The following CYP11A1 variants were observed in gnomAD, a reference collection of about 807,000 sequenced individuals.
The protein encoded by CYP11A1 is cytochrome P450 family 11 subfamily A member 1.
Under a neutral mutation model 51.9 loss-of-function variants are expected in CYP11A1, and 25 were observed. The observed-to-expected ratio is 0.48, with a 90% CI of 0.35 to 0.67. The LOEUF is 0.67. Ranked by LOEUF, CYP11A1 falls within the 30% of genes least tolerant of loss-of-function variation. CYP11A1 has a pLI of 0.00. For synonymous variants in CYP11A1, 245 were observed against 262.1 expected, an observed-to-expected ratio of 0.93 and a Z score of 0.63; for missense variants, 578 against 680.9, an observed-to-expected ratio of 0.85 and a Z score of 1.68.
intron 5 of CYP11A1, among the ~76,000 whole-genome samples, chr15:74,339,959 G>A (rs2060599055): frequency 1.3e-5 from 2 of 152,232 alleles, no homozygotes; most frequent in African/African-American, 4.8e-5. Flanking sequence ...TTGCCGGCCA[G>A]GCAGGAACAT....
At chr15:74,338,808 C>A in intron 7 of CYP11A1, 40 bp from the exon 8 acceptor site, 1 of 1,583,790 alleles carries the variant, frequency 6.3e-7, no homozygotes, top group Non-Finnish European at 8.7e-7. Flanking sequence ...AGCCCCACTT[C>A]CCCACAGCCC....
intron 8 of CYP11A1, 89 bp from the exon 9 acceptor site, chr15:74,338,192 G>A: frequency 1.3e-6 from 2 of 1,528,310 alleles, no homozygotes; most frequent in Non-Finnish European, 1.8e-6. Context: ...AGTGCCTGTG[G>A]AGTGTGATTT....
chr15:74,367,193 A>T, intron 1 of CYP11A1, 124 bp downstream of exon 1: 2 of 1,015,212 alleles, frequency 2.0e-6, no homozygotes, highest in Non-Finnish European at 2.9e-6. Flanking sequence ...AAAAAAAAAA[A>T]AAAGAAGTTA....
At chr15:74,350,756 G>A (rs977598154) in intron 1 of CYP11A1, 11 of 151,994 alleles carry the variant, frequency 7.2e-5, no homozygotes, top group Non-Finnish European at 1.5e-4. Flanking sequence ...CTGTTAACGG[G>A]GCCCCTGAGC....
At chr15:74,346,556 C>A (rs1412448702) in intron 2 of CYP11A1, among the ~76,000 whole-genome samples, 1 of 151,976 alleles carries the variant, frequency 6.6e-6, no homozygotes, top group Non-Finnish European at 1.5e-5. Context: ...TTTTTAATAT[C>A]ATGAACGGTA....
intron 1 of CYP11A1, among the ~76,000 whole-genome samples, chr15:74,361,033 T>C (rs60904560): frequency 0.062 from 9,492 of 152,310 alleles, 411 homozygotes; most frequent in East Asian, 0.18. Flanking sequence ...AAAAGGTTTT[T>C]GCTTCTTTAA....
chr15:74,360,962 T>C (rs1047287348), intron 1 of CYP11A1, among the ~76,000 whole-genome samples: 1 of 152,208 alleles, frequency 6.6e-6, no homozygotes, highest in Admixed American at 6.5e-5. Flanking sequence ...CAGTTTTACA[T>C]GCAAGGTGTA....
In CYP11A1 at chr15:74,341,067, T is replaced by C. The variant is rs529747541; in HGVS notation, c.991-1314A>G. Among the ~76,000 whole-genome samples the C allele has an allele frequency of 2.6e-5, 4 of 152,344 alleles. No homozygotes were observed. The East Asian group carries it at 7.7e-4, about 29-fold the overall frequency. On this transcript the variant is annotated intron_variant, in intron 5 of 8. Transcript: ENST00000268053. ...TGTACTTGGGATTTAATAAGGTGGT[T>C]AACTATGTTACTAGCTGTGTGACCT... is the stretch of plus-strand genomic sequence containing the variant.
chr15:74,352,938 T>C (rs1395325887), intron 1 of CYP11A1, among the ~76,000 whole-genome samples: 1 of 152,262 alleles, frequency 6.6e-6, no homozygotes, highest in African/African-American at 2.4e-5. Context: ...ATCTGGGTCA[T>C]TTCCAAGTAA....
chr15:74,367,265 C>A (rs2060738252), intron 1 of CYP11A1, 52 bp downstream of exon 1: 1 of 1,611,344 alleles, frequency 6.2e-7, no homozygotes, highest in South Asian at 1.1e-5. Context: ...CAGGGCTACC[C>A]AGGCCCCTCC....
At chr15:74,355,213 T>C (rs2060673754) in intron 1 of CYP11A1, among the ~76,000 whole-genome samples, 1 of 152,138 alleles carries the variant, frequency 6.6e-6, no homozygotes, top group African/African-American at 2.4e-5. Context: ...ATTTAAAACC[T>C]CTTCAACTCA....
intron 4 of CYP11A1, 115 bp from the exon 5 acceptor site, chr15:74,343,252 T>A (rs926247998): frequency 9.4e-7 from 1 of 1,064,666 alleles, no homozygotes; most frequent in Admixed American, 1.8e-5. Flanking sequence ...GCCCTGTGCT[T>A]CTTAGGCTGC....
At chr15:74,338,140 G>C (rs41543216) in intron 8 of CYP11A1, 37 bp from the exon 9 acceptor site, 3 of 1,613,808 alleles carry the variant, frequency 1.9e-6, no homozygotes, top group Middle Eastern at 1.7e-4. Context: ...GGGAGGGCAG[G>C]GGAGGATCTG....
chr15:74,342,764 A>G lies in CYP11A1; in HGVS notation c.990+213T>C, dbSNP rs58712424. 0.08 allele frequency among the ~76,000 whole-genome samples: 12,243 copies of G among 152,256 alleles called. 653 individuals are homozygous for G. Among genetic ancestry groups the G allele is most frequent in the African/African-American group, 0.16 (6,452 of 41,526 alleles). ...TCCTCTCTCACAGGCAAAGAAAAATAGCTGATCATCCTCAAATCATGCCCT... is the reference window on the plus strand; with the variant it reads ...TCCTCTCTCACAGGCAAAGAAAAATGGCTGATCATCCTCAAATCATGCCCT... On this transcript the variant is annotated intron_variant, in intron 5 of 8. Transcript: ENST00000268053.
chr15:74,339,137 A>C, intron 7 of CYP11A1, 100 bp downstream of exon 7: 2 of 973,434 alleles, frequency 2.1e-6, no homozygotes, highest in Non-Finnish European at 3.3e-6. Flanking sequence ...GCTGCCATCA[A>C]GGGCCCCACC....
chr15:74,366,846 G>A lies in CYP11A1; in HGVS notation c.269+471C>T, dbSNP rs1596170457. 2.2e-5 allele frequency: 4 copies of A among 177,790 alleles called. No homozygotes were observed. In the Middle Eastern group the frequency reaches 8.1e-3, roughly 358 times the overall value. 11.0% of individuals were successfully genotyped at this position (177,790 alleles called of 1,614,324 possible). ...TTCTCCTGCTTCAGCCTCCCGAGTA[G>A]CTGGGATTACAGGCGCCTGCCACCA... On this transcript the variant is annotated intron_variant, in intron 1 of 8. Transcript: ENST00000268053.
At chr15:74,349,370 C>T (rs1474876010) in intron 1 of CYP11A1, among the ~76,000 whole-genome samples, 1 of 152,092 alleles carries the variant, frequency 6.6e-6, no homozygotes, top group Non-Finnish European at 1.5e-5. Context: ...AGATACAAGC[C>T]AAGTGTGCTC....
chr15:74,360,059 A>T (rs984061031), intron 1 of CYP11A1, among the ~76,000 whole-genome samples: 3 of 152,250 alleles, frequency 2.0e-5, no homozygotes, highest in Non-Finnish European at 4.4e-5. Flanking sequence ...GGAAAAATAC[A>T]GTTGTCTTCA....
At chr15:74,350,055 C>T (rs1422499084) in intron 1 of CYP11A1, 1 of 339,106 alleles carries the variant, frequency 2.9e-6, no homozygotes, top group Non-Finnish European at 5.8e-6. Context: ...CTGAACATCA[C>T]TTTCTCTTAA....
Sources: allele counts gnomAD v4.1 joint callset (sites outside exome capture counted in the v4.1 genomes callset), GRCh38; gene constraint gnomAD v4.1.1; transcripts MANE v1.5; gene names NCBI Gene and HGNC (gene_info 2026-07-23, HGNC 2026-07-21).